Variants in LYN observed in about 807,000 individuals in gnomAD.
The protein encoded by LYN is tyrosine-protein kinase Lyn.
A neutral mutation model predicts 65.0 loss-of-function variants in LYN; 12 were observed. The ratio of observed to expected loss-of-function variants is 0.18; its 90% CI spans 0.12 to 0.30. LYN has a LOEUF of 0.30. LYN is among the 10% of genes least tolerant of loss of function. LYN has a pLI of 1.00. For missense variants in LYN, 380 were observed against 623.2 expected (o/e 0.61, Z 4.16); for synonymous variants, 222 against 221.2 (o/e 1.00, Z -0.03).
chr8:55,933,432 A>G (rs1416951296), intron 1 of LYN, among the ~76,000 whole-genome samples: 1 of 152,246 alleles, frequency 6.6e-6, no homozygotes, highest in African/African-American at 2.4e-5. Context: ...TCTCTTGTAT[A>G]GAACTTTGTG....
At chr8:55,915,489 G>A (rs1484481149) in intron 1 of LYN, among the ~76,000 whole-genome samples, 5 of 152,186 alleles carry the variant, frequency 3.3e-5, no homozygotes, top group African/African-American at 1.2e-4. Context: ...CGGATCACCT[G>A]AGGTCAGGAG....
intron 1 of LYN, among the ~76,000 whole-genome samples, chr8:55,890,708 G>A (rs1354068662): frequency 1.3e-5 from 2 of 148,694 alleles, no homozygotes; most frequent in African/African-American, 5.0e-5. Context: ...AATAAAATGT[G>A]GTTTATATGT....
At chr8:55,932,729 T>C (rs937868572) in intron 1 of LYN, among the ~76,000 whole-genome samples, 1 of 152,148 alleles carries the variant, frequency 6.6e-6, no homozygotes, top group African/African-American at 2.4e-5. Flanking sequence ...CCTAAAACAA[T>C]TATATTTGAT....
In LYN at chr8:56,010,177, C is replaced by G; in HGVS notation, c.*67C>G. The G allele has an allele frequency of 6.7e-7, 1 of 1,488,878 alleles. No individual in the cohort carries two copies. The highest frequency in any genetic ancestry group is 9.3e-7 in the Non-Finnish European group (1 of 1,071,252). 92.2% of individuals were successfully genotyped at this position (1,488,878 alleles called of 1,614,324 possible). A position where few individuals can be genotyped will look rare whatever the true frequency, so the allele number is the denominator to read the frequency against. On this transcript the variant is annotated 3_prime_UTR_variant, in exon 13 of 13. Transcript: ENST00000519728. ...ATTTAGAGAGGAAAAGTAACCATCA[C>G]TGGTTGCACTTATGATTTCATGTGC... is the stretch of plus-strand genomic sequence containing the variant.
chr8:55,880,546 T>G (rs1181737508), intron 1 of LYN, among the ~76,000 whole-genome samples: 1 of 152,164 alleles, frequency 6.6e-6, no homozygotes, highest in Non-Finnish European at 1.5e-5. Flanking sequence ...CCTCGGATTG[T>G]GCAATCTGAT....
chr8:55,896,420 G>A (rs1251125406), intron 1 of LYN, among the ~76,000 whole-genome samples: 1 of 151,938 alleles, frequency 6.6e-6, no homozygotes, highest in African/African-American at 2.4e-5. Context: ...AACCAAACAC[G>A]GCATGTTCTT....
chr8:55,950,855 ACT>A, intron 6 of LYN, 71 bp downstream of exon 6: 1 of 1,129,222 alleles, frequency 8.9e-7, no homozygotes, highest in Admixed American at 1.8e-5. Flanking sequence ...TTCTAGAGCT[ACT>A]CAAGGGGAAA....
At chr8:56,008,186 G>A (rs118054509) in intron 12 of LYN, among the ~76,000 whole-genome samples, 2 of 151,834 alleles carry the variant, frequency 1.3e-5, no homozygotes, top group South Asian at 2.1e-4. Flanking sequence ...TCAATTTGTT[G>A]ATCCCAAATT....
chr8:55,911,115 ACG>A (rs1491492290), intron 1 of LYN, among the ~76,000 whole-genome samples: 9 of 20,268 alleles, frequency 4.4e-4, no homozygotes, highest in Admixed American at 5.4e-4. Flanking sequence ...ACGTATATAT[ACG>A]TATATATATA....
At chr8:55,933,166 C>T (rs1806317793) in intron 1 of LYN, among the ~76,000 whole-genome samples, 1 of 152,216 alleles carries the variant, frequency 6.6e-6, no homozygotes, top group Non-Finnish European at 1.5e-5. Flanking sequence ...GCTATGAAAG[C>T]ACCACAACTA....
At chr8:55,988,409 T>C (rs1388950268) in intron 10 of LYN, among the ~76,000 whole-genome samples, 4 of 151,968 alleles carry the variant, frequency 2.6e-5, no homozygotes, top group Non-Finnish European at 5.9e-5. Context: ...CTTCCTGTTA[T>C]AAAAAAATCC....
chr8:55,914,462 G>C (rs1264488207), intron 1 of LYN, among the ~76,000 whole-genome samples: 1 of 152,130 alleles, frequency 6.6e-6, no homozygotes, highest in Non-Finnish European at 1.5e-5. Context: ...GCCGTGTACA[G>C]TTCCTTCAGA....
At chr8:55,962,145 T>C (rs1466939082) in intron 8 of LYN, among the ~76,000 whole-genome samples, 1 of 152,196 alleles carries the variant, frequency 6.6e-6, no homozygotes, top group Non-Finnish European at 1.5e-5. Flanking sequence ...TCATTCCATG[T>C]GGTGTTGGTA....
rs568286455 is a variant in LYN, at chr8:55,994,203, G to T, written c.1051-4143G>T. On this transcript the variant is annotated intron_variant, in intron 10 of 12. Transcript: ENST00000519728. The stretch of plus-strand genomic sequence containing the variant: ...AGACCAGGGAAAGAATAAAGAGAAT[G>T]AATTAATTTTATATAAAGGGAGAGG... 5.9e-5 allele frequency among the ~76,000 whole-genome samples: 9 copies of T among 152,294 alleles called. No individual in the cohort carries two copies. The South Asian group carries it at 1.7e-3, about 28-fold the overall frequency.
In LYN at chr8:56,011,194, A is replaced by G. The variant is rs186769212; in HGVS notation, c.*1084A>G. ...TTTATACCCAAGGATATGAAGGAAC[A>G]TAAGTGACTACAAGGCTCTAATAAG... On this transcript the variant is annotated 3_prime_UTR_variant, in exon 13 of 13. Transcript: ENST00000519728. The G allele has an allele frequency of 3.1e-5, 7 of 228,166 alleles. No homozygotes were observed. Among genetic ancestry groups the G allele is most frequent in the Non-Finnish European group, 6.1e-5 (7 of 114,910 alleles). The allele number at this position is 228,166 out of a possible 1,614,324, so 14.1% of individuals were successfully genotyped here.
At chr8:55,889,989 T>C (rs1804905932) in intron 1 of LYN, among the ~76,000 whole-genome samples, 1 of 151,900 alleles carries the variant, frequency 6.6e-6, no homozygotes. Context: ...CAAAAGCAAG[T>C]TGCTTAGCTG....
intron 4 of LYN, among the ~76,000 whole-genome samples, chr8:55,948,518 T>A (rs1223623071): frequency 1.3e-5 from 2 of 152,186 alleles, no homozygotes; most frequent in Non-Finnish European, 2.9e-5. Context: ...AACCCCCTCT[T>A]GCTGACTCAG....
chr8:55,925,392 G>A (rs1478299980), intron 1 of LYN, among the ~76,000 whole-genome samples: 1 of 152,144 alleles, frequency 6.6e-6, no homozygotes, highest in South Asian at 2.1e-4. Flanking sequence ...GAAAGTGCTG[G>A]GATTACAGGT....
chr8:55,890,389 A>G (rs534194505), intron 1 of LYN, among the ~76,000 whole-genome samples: 3 of 152,302 alleles, frequency 2.0e-5, no homozygotes, highest in African/African-American at 7.2e-5. Context: ...TGATGAAATC[A>G]TGTCATGTTA....
Sources: gnomAD v4.1 joint callset for allele counts (sites outside exome capture counted in the v4.1 genomes callset) on GRCh38, gnomAD v4.1.1 for gene constraint, MANE v1.5 for transcripts, NCBI Gene and HGNC (gene_info 2026-07-23, HGNC 2026-07-21) for gene names.